Variants in GUCY2F observed in about 807,000 individuals in gnomAD.
GUCY2F encodes guanylate cyclase 2F, retinal, also known as retinal guanylyl cyclase 2.
GUCY2F carries 61 observed loss-of-function variants against 73.1 expected under a neutral mutation model. The ratio of observed to expected loss-of-function variants is 0.83; its 90% CI spans 0.68 to 1.03. The LOEUF (loss-of-function observed/expected upper bound fraction) is 1.03. GUCY2F is among the 50% of genes least tolerant of loss of function. The probability of loss-of-function intolerance (pLI) is 0.00; values close to 1 mark genes in which losing one functional copy is unlikely to be tolerated. For synonymous variants in GUCY2F, 331 were observed against 307.8 expected (o/e 1.08, Z -0.79); for missense variants, 912 against 854.3 (o/e 1.07, Z -0.84).
At chrX:109,447,633 G>C (rs1313634777) in intron 6 of GUCY2F, among the ~76,000 whole-genome samples, 1 of 80,923 alleles carries the variant, frequency 1.2e-5, no homozygotes, top group Non-Finnish European at 2.4e-5. Context: ...CGTGGGGTGG[G>C]GGGAGGGGGG....
intron 8 of GUCY2F, among the ~76,000 whole-genome samples, chrX:109,412,411 C>CT (rs1603381164): frequency 8.9e-6 from 1 of 111,940 alleles, no homozygotes; most frequent in African/African-American, 3.2e-5. Flanking sequence ...GGAATGTCAG[C>CT]TATTGACCAC....
At chrX:109,406,340 C>T (rs952545558) in intron 9 of GUCY2F, among the ~76,000 whole-genome samples, 1 of 111,583 alleles carries the variant, frequency 9.0e-6, no homozygotes, top group Admixed American at 9.5e-5. Flanking sequence ...GACTGAGCCA[C>T]CATTTAGAAG....
chrX:109,444,700 G>A (rs1224387070), intron 6 of GUCY2F, among the ~76,000 whole-genome samples: 3 of 111,578 alleles, frequency 2.7e-5, no homozygotes, highest in Non-Finnish European at 5.7e-5. Flanking sequence ...CTGAGTATAA[G>A]ACAATATAGA....
intron 10 of GUCY2F, 33 bp downstream of exon 10, chrX:109,404,295 G>A (rs756372496): frequency 2.8e-5 from 29 of 1,044,339 alleles, no homozygotes; most frequent in African/African-American, 7.5e-5. Context: ...GAGTTACCTC[G>A]TGTGCATCAG....
intron 3 of GUCY2F, among the ~76,000 whole-genome samples, chrX:109,458,148 C>A (rs779870888): frequency 9.8e-5 from 11 of 111,851 alleles, no homozygotes; most frequent in African/African-American, 3.3e-5. Context: ...GAAAACAATT[C>A]AATAAATCTA....
In GUCY2F at chrX:109,395,387, G is replaced by A. The variant is rs1930681405; in HGVS notation, c.2378C>T (p.Ala793Val). The change falls in exon 12 of 20, where the codon GCT becomes GTT. Residue 793 changes from alanine to valine, a missense_variant. Ala to Val is a moderately conservative substitution (Grantham distance 64). Transcript: ENST00000218006. ...ECLQLMKQCWAEAAEQRPTFD... is the reference protein window; with the variant it reads ...ECLQLMKQCWVEAAEQRPTFD... ...AGTTGGTCGTTGTTCTGCAGCCTCA[G>A]CCCAGCACTGCTTCATCAGCTGGAG... is the stretch of plus-strand genomic sequence containing the variant. 1 of 1,203,525 alleles carries A rather than the reference G, an allele frequency of 8.3e-7. No individual in the cohort carries two copies. Among genetic ancestry groups the A allele is most frequent in the African/African-American group, 1.8e-5 (1 of 57,112 alleles).
intron 3 of GUCY2F, among the ~76,000 whole-genome samples, chrX:109,463,341 A>T (rs985255506): frequency 1.8e-5 from 2 of 109,582 alleles, no homozygotes; most frequent in Admixed American, 9.7e-5. Context: ...CTTCCAGATT[A>T]TTGGTTTAGG....
intron 8 of GUCY2F, among the ~76,000 whole-genome samples, chrX:109,412,243 G>A (rs1931128384): frequency 8.9e-6 from 1 of 111,917 alleles, no homozygotes; most frequent in Non-Finnish European, 1.9e-5. Context: ...GTGACTTCTT[G>A]TGTGGGGAGG....
chrX:109,453,912 C>CCTCTAGCTTGTGGA (rs1932198602), intron 3 of GUCY2F, 53 bp from the exon 4 acceptor site: 1 of 665,296 alleles, frequency 1.5e-6, no homozygotes, highest in African/African-American at 2.2e-5. Flanking sequence ...AGAGCGATCT[C>CCTCTAGCTTGTGGA]AGAGTATATT....
At chrX:109,413,463 G>A (rs935628529) in intron 8 of GUCY2F, among the ~76,000 whole-genome samples, 1 of 109,797 alleles carries the variant, frequency 9.1e-6, no homozygotes, top group Non-Finnish European at 1.9e-5. Context: ...GGAGTGCAGT[G>A]GCGCAATCTC....
In GUCY2F at chrX:109,477,659, A is replaced by G. The variant is rs191674911; in HGVS notation, c.-85-1638T>C. ...TGTTAATAAGGAGAATCCTTAGTAA[A>G]TCCTTAATTCTAATCAAAGATCAAA... On this transcript the variant is annotated intron_variant, in intron 1 of 19. Coordinates refer to ENST00000218006, the MANE Select transcript of GUCY2F (RefSeq NM_001522.3). 6.2e-5 allele frequency among the ~76,000 whole-genome samples: 7 copies of G among 112,431 alleles called. No homozygotes were observed. The East Asian group carries it at 2.0e-3, about 31-fold the overall frequency.
intron 2 of GUCY2F, among the ~76,000 whole-genome samples, chrX:109,468,787 C>G (rs149943620): frequency 0.014 from 1,600 of 111,720 alleles, 22 homozygotes; most frequent in Admixed American, 0.047. Context: ...CAAGATCTTG[C>G]CATTGAACAT....
At chrX:109,477,792 G>A (rs1040585360) in intron 1 of GUCY2F, among the ~76,000 whole-genome samples, 1 of 112,124 alleles carries the variant, frequency 8.9e-6, no homozygotes. Context: ...CAGCCCTGTT[G>A]GTTATTATCT....
chrX:109,405,504 G>A (rs1029640886), intron 9 of GUCY2F, among the ~76,000 whole-genome samples: 19 of 112,292 alleles, frequency 1.7e-4, no homozygotes, highest in African/African-American at 5.2e-4. Flanking sequence ...TATTCATTCT[G>A]TATATACATA....
In GUCY2F at chrX:109,453,533, C is replaced by T. The variant is rs1317352903; in HGVS notation, c.1359G>A (p.Trp453Ter). The stretch of plus-strand genomic sequence containing the variant: ...CATGGCAGATCTTCCCTTCTGCAAA[C>T]CAGCATTTTGCATCTGCTCTAGGGG... ...GRPPRADAKC[W>*]FAEGKICHGG... is the part of the protein sequence containing the mutation. Residue 453 changes from tryptophan (W) to a stop codon, truncating the protein, a stop_gained, in exon 4 of 20, where the codon TGG becomes TGA. Coordinates refer to ENST00000218006, the MANE Select transcript of GUCY2F (RefSeq NM_001522.3). LOFTEE classifies it high-confidence loss of function. 8.3e-7 allele frequency: 1 copy of T among 1,203,450 alleles called. No homozygotes were observed.
chrX:109,481,724 C>G (rs1932766295), intron 1 of GUCY2F, 142 bp downstream of exon 1: 1 of 110,104 alleles, frequency 9.1e-6, no homozygotes, highest in Non-Finnish European at 1.9e-5. Flanking sequence ...TCCTTCTTTC[C>G]TTCATTCTTT....
intron 15 of GUCY2F, among the ~76,000 whole-genome samples, chrX:109,385,659 T>G (rs1035992518): frequency 8.9e-6 from 1 of 111,873 alleles, no homozygotes; most frequent in Admixed American, 9.4e-5. Context: ...TGCCTTAGGG[T>G]TGGAAGAAAG....
intron 8 of GUCY2F, among the ~76,000 whole-genome samples, chrX:109,420,275 G>C (rs1402758313): frequency 1.0e-5 from 1 of 99,282 alleles, no homozygotes; most frequent in Non-Finnish European, 2.1e-5. Context: ...GGGATGGAGG[G>C]AGGGGGAAAG....
chrX:109,428,132 A>T (rs987607920), intron 8 of GUCY2F, among the ~76,000 whole-genome samples: 3 of 112,402 alleles, frequency 2.7e-5, no homozygotes, highest in African/African-American at 9.7e-5. Flanking sequence ...TTATCAATGG[A>T]TGTCAAAATT....
Sources: allele counts gnomAD v4.1 joint callset (sites outside exome capture counted in the v4.1 genomes callset), GRCh38; gene constraint gnomAD v4.1.1; transcripts MANE v1.5; gene names NCBI Gene and HGNC (gene_info 2026-07-23, HGNC 2026-07-21).